BTN1A1: variants seen among roughly 807,000 people sequenced by gnomAD.
The protein encoded by BTN1A1 is bK14H9.2 (butyrophilin, subfamily 1, member A1).
BTN1A1 carries 26 observed loss-of-function variants against 33.1 expected under a neutral mutation model. The ratio of observed to expected loss-of-function variants is 0.79; its 90% confidence interval spans 0.58 to 1.09. The LOEUF is 1.09. BTN1A1 is among the 50% of genes least tolerant of loss of function. The pLI, the probability that BTN1A1 is intolerant of heterozygous loss-of-function variation, is 0.00. For synonymous variants in BTN1A1, 235 were observed against 256.2 expected (o/e 0.92, Z 0.79); for missense variants, 558 against 655.7 (o/e 0.85, Z 1.63).
intron 4 of BTN1A1, 119 bp from the exon 5 acceptor site, chr6:26,506,564 A>G: frequency 9.5e-7 from 1 of 1,050,328 alleles, no homozygotes; most frequent in Non-Finnish European, 1.4e-6. Flanking sequence ...TTTTTTTGCT[A>G]TATGAGGGAT....
Position 26,501,864 on chromosome 6 carries a change from C to T in BTN1A1, c.354C>T (p.Asp118=). ...ALRIRGVRVS[D]DGEYTCFFRE... is the part of the protein sequence containing the mutation. ...GGATCCGTGGCGTCAGAGTCTCTGA[C>T]GACGGGGAGTACACGTGCTTTTTCA... Residue 118 remains aspartate, a synonymous_variant, in exon 3 of 8, where the codon GAC becomes GAT. Coordinates refer to ENST00000684113, the MANE Select transcript of BTN1A1 (RefSeq NM_001732.3). The surrounding 1 kb of genome is among the most constrained non-coding windows in gnomAD (Gnocchi z 5.2). 1 of 1,609,652 alleles carries T rather than the reference C, an allele frequency of 6.2e-7. No homozygotes were observed. The highest frequency in any genetic ancestry group is 1.1e-5 in the South Asian group (1 of 90,936).
In BTN1A1 at chr6:26,505,101, G is replaced by T. The variant is rs1449331318; in HGVS notation, c.604G>T (p.Val202Leu). 3.1e-6 allele frequency: 5 copies of T among 1,614,120 alleles called. No individual in the cohort carries two copies. Among genetic ancestry groups the T allele is most frequent in the Non-Finnish European group, 4.2e-6 (5 of 1,180,048 alleles). ...RNPDEEGLFT[V>L]AASVIIRDTS... ...TCCTGATGAAGAAGGTTTGTTCACT[G>T]TGGCTGCTTCAGTGATCATCAGAGA... Residue 202 changes from valine (V) to leucine (L), a missense_variant, in exon 4 of 8, where the codon GTG (valine) becomes TTG (leucine). Coordinates refer to ENST00000684113, the MANE Select transcript of BTN1A1 (RefSeq NM_001732.3).
chr6:26,501,784 C>G lies in BTN1A1; in HGVS notation c.274C>G (p.Arg92Gly). 1 of 1,613,578 alleles carries G rather than the reference C, an allele frequency of 6.2e-7. No homozygotes were observed. ...GGAAGCCGAGCAGATGCCCGAGTAC[C>G]GCGGGCGGGCGACGCTGGTCCAGGA... ...EQEAEQMPEYRGRATLVQDGI... is the reference protein window; with the variant it reads ...EQEAEQMPEYGGRATLVQDGI... Residue 92 changes from arginine (R) to glycine (G), a missense_variant, in exon 3 of 8, where the codon CGC becomes GGC. Physicochemically the swap from Arg to Gly is moderately radical, Grantham distance 125. Coordinates refer to ENST00000684113, the MANE Select transcript of BTN1A1 (RefSeq NM_001732.3). The surrounding 1 kb of genome is among the most constrained non-coding windows in gnomAD (Gnocchi z 5.2).
chr6:26,506,728 T>A lies in BTN1A1; in HGVS notation c.755T>A (p.Val252Asp). The A allele has an allele frequency of 6.2e-7, 1 of 1,614,148 alleles. No individual in the cohort carries two copies. Among genetic ancestry groups the A allele is most frequent in the Non-Finnish European group, 8.5e-7 (1 of 1,180,000 alleles). Residue 252 changes from valine to aspartate, a missense_variant, in exon 5 of 8, where the codon GTC (valine) becomes GAC (aspartate). Val to Asp is a radical substitution (Grantham distance 152). Coordinates refer to ENST00000684113, the MANE Select transcript of BTN1A1 (RefSeq NM_001732.3). Reference protein sequence around the residue: ...RLTPWIVAVAVILMVLGLLTI... With the variant: ...RLTPWIVAVADILMVLGLLTI... The stretch of plus-strand genomic sequence containing the variant: ...ACTCCCTGGATAGTGGCTGTGGCTG[T>A]CATCCTGATGGTTCTAGGACTTCTC...
chr6:26,501,254 A>T lies in BTN1A1; in HGVS notation c.-33A>T. On this transcript the variant is annotated 5_prime_UTR_variant, in exon 2 of 8. Transcript: ENST00000684113. The surrounding 1 kb of genome is among the most constrained non-coding windows in gnomAD (Gnocchi z 5.2). The stretch of plus-strand genomic sequence containing the variant: ...GGCTGAAGCTCCTGAGGGGACTCAC[A>T]TCAGTTATCTTGCTGCTCCAGAAGG... 6.3e-7 allele frequency: 1 copy of T among 1,584,424 alleles called. No homozygotes were observed. The highest frequency in any genetic ancestry group is 1.3e-5 in the African/African-American group (1 of 74,320).
In BTN1A1 at chr6:26,508,846, C is replaced by T. The variant is rs751939842; in HGVS notation, c.1253C>T (p.Pro418Leu). 2 of 1,614,172 alleles carry T rather than the reference C, an allele frequency of 1.2e-6. No homozygotes were observed. Among genetic ancestry groups the T allele is most frequent in the Non-Finnish European group, 1.7e-6 (2 of 1,180,028 alleles). The change falls in exon 8 of 8, where the codon CCC becomes CTC. Residue 418 changes from proline to leucine, a missense_variant. Transcript: ENST00000684113. ...CGGACCCCTCTCCCATTGGCAGGGC[C>T]CCCACGCCGGGTTGGGATTTTCCTA... ...PLRTPLPLAG[P>L]PRRVGIFLDY...
At chr6:26,502,363 C>T (rs540786295) in intron 3 of BTN1A1, among the ~76,000 whole-genome samples, 1 of 152,268 alleles carries the variant, frequency 6.6e-6, no homozygotes, top group Admixed American at 6.5e-5. Flanking sequence ...GAGTTATTTG[C>T]ACAGGAGGGC....
chr6:26,508,988 C>T lies in BTN1A1; in HGVS notation c.1395C>T (p.Ser465=), dbSNP rs141533174. 637 of 1,614,182 alleles carry T rather than the reference C, an allele frequency of 3.9e-4. 2 individuals carry two copies. The African/African-American group carries it at 7.3e-3, about 19-fold the overall frequency. ...GGCCCTTCTTTTGCCTATGGTCTAG[C>T]GGTAAAAAGCCCCTGACCATCTGCC... ...PLRPFFCLWS[S]GKKPLTICPI... The change falls in exon 8 of 8, where the codon AGC becomes AGT. Residue 465 remains serine (S), a synonymous_variant. Transcript: ENST00000684113.
In BTN1A1 at chr6:26,504,913, C is replaced by T; in HGVS notation, c.428-12C>T. 6.2e-7 allele frequency: 1 copy of T among 1,611,374 alleles called. No individual in the cohort carries two copies. ...TCCGCTAAAACATTAAGTCCAGATT[C>T]TCTCTCCATAGCTCTGGGCTCTGAC... On this transcript the variant is annotated splice_polypyrimidine_tract_variant and intron_variant, in intron 3 of 7. Coordinates refer to ENST00000684113, the MANE Select transcript of BTN1A1 (RefSeq NM_001732.3).
rs1354391567 is a variant in BTN1A1, at chr6:26,508,754, G to A, written c.1161G>A (p.Met387Ile). ...ENVMKKGFDPMTPENGFWAVE... is the reference protein window; with the variant it reads ...ENVMKKGFDPITPENGFWAVE... ...TGATGAAGAAAGGATTTGACCCCAT[G>A]ACTCCTGAGAATGGGTTCTGGGCTG... Residue 387 changes from methionine to isoleucine, a missense_variant, in exon 8 of 8, where the codon ATG becomes ATA. By Grantham distance (10) the Met-to-Ile change is conservative. Coordinates refer to ENST00000684113, the MANE Select transcript of BTN1A1 (RefSeq NM_001732.3). 3 of 1,614,028 alleles carry A rather than the reference G, an allele frequency of 1.9e-6. No individual in the cohort carries two copies. Among genetic ancestry groups the A allele is most frequent in the Non-Finnish European group, 2.5e-6 (3 of 1,180,028 alleles).
Position 26,501,778 on chromosome 6 carries a change from G to C in BTN1A1, c.268G>C (p.Glu90Gln). The C allele has an allele frequency of 6.2e-7, 1 of 1,613,646 alleles. No homozygotes were observed. Among genetic ancestry groups the C allele is most frequent in the Non-Finnish European group, 8.5e-7 (1 of 1,179,932 alleles). The change falls in exon 3 of 8, where the codon GAG becomes CAG. Residue 90 changes from glutamate (E) to glutamine (Q), a missense_variant. Coordinates refer to ENST00000684113, the MANE Select transcript of BTN1A1 (RefSeq NM_001732.3). The surrounding 1 kb of genome is among the most constrained non-coding windows in gnomAD (Gnocchi z 5.2). The stretch of plus-strand genomic sequence containing the variant: ...CGAGCAGGAAGCCGAGCAGATGCCC[G>C]AGTACCGCGGGCGGGCGACGCTGGT... ...GREQEAEQMP[E>Q]YRGRATLVQD... is the part of the protein sequence containing the mutation.
rs768937504 is a variant in BTN1A1 at position 26,507,987 on chromosome 6, T to A, written c.880+17T>A. On this transcript the variant is annotated intron_variant, in intron 6 of 7. Transcript: ENST00000684113. The stretch of plus-strand genomic sequence containing the variant: ...AAGAACTCAGTAAGTTCTGTCTTCT[T>A]GTTATTTCACCCACAGAGTTTTCTC... 3 of 1,613,914 alleles carry A rather than the reference T, an allele frequency of 1.9e-6. No individual in the cohort carries two copies. The African/African-American group carries it at 4.0e-5, about 22-fold the overall frequency.
chr6:26,508,901 C>T lies in BTN1A1; in HGVS notation c.1308C>T (p.Tyr436=). The T allele has an allele frequency of 6.2e-7, 1 of 1,614,224 alleles. No individual in the cohort carries two copies. The highest frequency in any genetic ancestry group is 8.5e-7 in the Non-Finnish European group (1 of 1,180,028). Residue 436 remains tyrosine (Y), a synonymous_variant, in exon 8 of 8, where the codon TAC becomes TAT. Transcript: ENST00000684113. ...ATGAATCAGGAGACATCTCCTTCTA[C>T]AACATGAATGATGGATCTGATATCT... ...LDYESGDISF[Y]NMNDGSDIYT... is the part of the protein sequence containing the mutation.
At position 26,501,108 on chromosome 6, in the gene BTN1A1, T is replaced by A; in HGVS notation, c.-57-122T>A. 1 of 627,224 alleles carries A rather than the reference T, an allele frequency of 1.6e-6. No homozygotes were observed. Among genetic ancestry groups the A allele is most frequent in the East Asian group, 2.7e-5 (1 of 36,374 alleles). 38.9% of individuals were successfully genotyped at this position (627,224 alleles called of 1,614,324 possible). ...AAAAATCCATACTGGGGATGGAGGC[T>A]GAGAGGAGGTTTCAGGGGCAAATGA... is the stretch of plus-strand genomic sequence containing the variant. On this transcript the variant is annotated intron_variant, in intron 1 of 7. Coordinates refer to ENST00000684113, the MANE Select transcript of BTN1A1 (RefSeq NM_001732.3). This position sits in a 1 kb window ranked among gnomAD's most constrained non-coding sequence, Gnocchi z 5.2.
intron 1 of BTN1A1, among the ~76,000 whole-genome samples, chr6:26,500,730 C>A (rs1177494662): frequency 2.0e-5 from 3 of 152,088 alleles, no homozygotes; most frequent in Non-Finnish European, 4.4e-5. Flanking sequence ...GCCTGGCCAA[C>A]GTGGTGAAAC....
At chr6:26,507,837 T>C in intron 5 of BTN1A1, 113 bp from the exon 6 acceptor site, 1 of 1,108,390 alleles carries the variant, frequency 9.0e-7, no homozygotes, top group East Asian at 2.4e-5. Flanking sequence ...GCTTCAATAT[T>C]CAAATAGTCA....
Position 26,501,841 on chromosome 6 carries a change from A to G in BTN1A1, c.331A>G (p.Ile111Val). The G allele has an allele frequency of 6.2e-7, 1 of 1,611,550 alleles. No homozygotes were observed. Among genetic ancestry groups the G allele is most frequent in the Non-Finnish European group, 8.5e-7 (1 of 1,178,310 alleles). ...CGCCAAGGGGCGCGTGGCCTTGAGG[A>G]TCCGTGGCGTCAGAGTCTCTGACGA... is the stretch of plus-strand genomic sequence containing the variant. Reference protein sequence around the residue: ...GIAKGRVALRIRGVRVSDDGE... With the variant: ...GIAKGRVALRVRGVRVSDDGE... Residue 111 changes from isoleucine (I) to valine (V), a missense_variant, in exon 3 of 8, where the codon ATC (isoleucine) becomes GTC (valine). Coordinates refer to ENST00000684113, the MANE Select transcript of BTN1A1 (RefSeq NM_001732.3). This position sits in a 1 kb window ranked among gnomAD's most constrained non-coding sequence, Gnocchi z 5.2.
At chr6:26,507,825 A>AT in intron 5 of BTN1A1, 125 bp from the exon 6 acceptor site, 2 of 972,152 alleles carry the variant, frequency 2.1e-6, no homozygotes, top group South Asian at 3.1e-5. Flanking sequence ...TTTATTGGCA[A>AT]TGCTTCAATA....
Position 26,509,170 on chromosome 6 carries a change from C to A in BTN1A1, c.1577C>A (p.Pro526His). 1 of 1,607,450 alleles carries A rather than the reference C, an allele frequency of 6.2e-7. No homozygotes were observed. Among genetic ancestry groups the A allele is most frequent in the African/African-American group, 1.3e-5 (1 of 74,906 alleles). ...CCTACCCAACCCAGCCAAGGGGCAC[C>A]TTAAGGAATATCTCAGCTCATCTGT... is the stretch of plus-strand genomic sequence containing the variant. ...LIPTQPSQGAP is the reference protein window; with the variant it reads ...LIPTQPSQGAH Residue 526 changes from proline to histidine, a missense_variant, in exon 8 of 8, where the codon CCT (proline) becomes CAT (histidine). Transcript: ENST00000684113.
Sources: allele counts gnomAD v4.1 joint callset (sites outside exome capture counted in the v4.1 genomes callset), GRCh38; gene constraint gnomAD v4.1.1; non-coding constraint Gnocchi (gnomAD v3.1); transcripts MANE v1.5; gene names NCBI Gene and HGNC (gene_info 2026-07-23, HGNC 2026-07-21).